APP: variants seen among roughly 807,000 people sequenced by gnomAD.
The protein encoded by APP is amyloid beta precursor protein, also known as amyloid-beta precursor protein.
APP carries 31 observed loss-of-function variants against 101.4 expected under a neutral mutation model. That is an observed-to-expected ratio of 0.31 (90% CI 0.23 to 0.41). The LOEUF is 0.41. APP is among the 10% of genes least tolerant of loss of function. The pLI is 1.00. For missense variants in APP, 839 were observed against 1,003.7 expected (o/e 0.84, Z 2.22); for synonymous variants, 366 against 364.4 (o/e 1.00, Z -0.05).
chr21:25,887,789 G>T (rs778316365), intron 17 of APP, among the ~76,000 whole-genome samples: 4 of 152,156 alleles, frequency 2.6e-5, no homozygotes, highest in Non-Finnish European at 5.9e-5. Flanking sequence ...AGCAATAGTT[G>T]TAGGTGTGTA....
chr21:25,987,816 C>T (rs1643548277), intron 8 of APP, among the ~76,000 whole-genome samples: 2 of 152,138 alleles, frequency 1.3e-5, no homozygotes, highest in African/African-American at 4.8e-5. Context: ...AGCCCACCAA[C>T]ATTGCAGCCC....
chr21:26,166,927 G>GGTGTGTGTGTGT (rs10600074), intron 1 of APP, among the ~76,000 whole-genome samples: 34 of 148,634 alleles, frequency 2.3e-4, no homozygotes, highest in African/African-American at 6.5e-4. Flanking sequence ...AGAGACAGAG[G>GGTGTGTGTGTGT]GTGTGTGTGT....
intron 17 of APP, among the ~76,000 whole-genome samples, chr21:25,886,842 T>C (rs1454205502): frequency 1.3e-5 from 2 of 152,116 alleles, no homozygotes; most frequent in African/African-American, 4.8e-5. Context: ...TACTCTACAA[T>C]GCCAACGTCA....
intron 1 of APP, among the ~76,000 whole-genome samples, chr21:26,146,125 A>G (rs2063149543): frequency 1.3e-5 from 2 of 152,262 alleles, no homozygotes; most frequent in Non-Finnish European, 2.9e-5. Flanking sequence ...ACTTGAGGTC[A>G]GGAATTCGAG....
intron 11 of APP, among the ~76,000 whole-genome samples, chr21:25,968,731 T>C (rs956212342): frequency 1.3e-5 from 2 of 152,172 alleles, no homozygotes; most frequent in Non-Finnish European, 1.5e-5. Flanking sequence ...AAATCTGAGC[T>C]TCAAAGAAAC....
At chr21:26,008,599 T>C (rs59552531) in intron 6 of APP, among the ~76,000 whole-genome samples, 4,198 of 152,276 alleles carry the variant, frequency 0.028, 212 homozygotes, top group African/African-American at 0.095. Flanking sequence ...TATTTCAAGC[T>C]ACTAATGGCT....
At chr21:25,967,748 C>T (rs556460251) in intron 11 of APP, among the ~76,000 whole-genome samples, 47 of 152,164 alleles carry the variant, frequency 3.1e-4, no homozygotes, top group Non-Finnish European at 6.0e-4. Flanking sequence ...GCATTTAGTT[C>T]CTGTTTCATG....
intron 3 of APP, among the ~76,000 whole-genome samples, chr21:26,072,649 GC>G (rs1414736703): frequency 6.6e-6 from 1 of 151,362 alleles, no homozygotes; most frequent in Non-Finnish European, 1.5e-5. Context: ...GAAAGCAAAA[GC>G]AAAAAAAAAG....
At position 25,997,409 on chromosome 21, in the gene APP, T is replaced by C. The variant is rs775998020; in HGVS notation, c.1041A>G (p.Gln347=). 8.7e-6 allele frequency: 14 copies of C among 1,612,880 alleles called. No individual in the cohort carries two copies. The highest frequency in any genetic ancestry group is 1.2e-5 in the Non-Finnish European group (14 of 1,179,062). ...GTTCCTGGGTAGTCTTGAGTAAACT[T>C]TGGGACACTATGGAAAAAATAAGAG... is the stretch of plus-strand genomic sequence containing the variant. The part of the protein sequence containing the change: ...CMAVCGSAMS[Q]SLLKTTQEPL... The change falls in exon 8 of 18, where the codon CAA becomes CAG. Residue 347 remains glutamine, a synonymous_variant. Transcript: ENST00000346798.
chr21:25,913,130 A>T (rs1569046628), intron 13 of APP, among the ~76,000 whole-genome samples: 1 of 152,228 alleles, frequency 6.6e-6, no homozygotes. Flanking sequence ...TTTTACAATC[A>T]TCTTTCAAAT....
chr21:26,000,734 TG>T (rs574560123), intron 6 of APP, among the ~76,000 whole-genome samples: 214 of 152,300 alleles, frequency 1.4e-3, no homozygotes, highest in African/African-American at 4.9e-3. Context: ...TATCTGTAAA[TG>T]TGACTTATAC....
intron 5 of APP, among the ~76,000 whole-genome samples, chr21:26,040,320 G>T (rs2045316074): frequency 6.6e-6 from 1 of 152,004 alleles, no homozygotes; most frequent in Non-Finnish European, 1.5e-5. Context: ...GTACATTCTT[G>T]GCTGGGCATG....
chr21:25,951,871 C>T (rs536880868), intron 13 of APP, among the ~76,000 whole-genome samples: 2 of 152,208 alleles, frequency 1.3e-5, no homozygotes, highest in East Asian at 1.9e-4. Flanking sequence ...TAAAAAGGGA[C>T]GTATTGTTTT....
At chr21:26,146,327 CA>C (rs1192990407) in intron 1 of APP, among the ~76,000 whole-genome samples, 1 of 152,228 alleles carries the variant, frequency 6.6e-6, no homozygotes, top group African/African-American at 2.4e-5. Flanking sequence ...TATCTGTTAT[CA>C]ATTGACAGTA....
At position 25,963,750 on chromosome 21, in the gene APP, G is replaced by T. The variant is rs71317447; in HGVS notation, c.1459-7995C>A. On this transcript the variant is annotated intron_variant, in intron 11 of 17. Transcript: ENST00000346798. ...GTGCTTGAGATGATCTTAGTTAAACGTAATATTTGGGGAAACTGCCATGGG... is the reference window on the plus strand; with the variant it reads ...GTGCTTGAGATGATCTTAGTTAAACTTAATATTTGGGGAAACTGCCATGGG... Among the ~76,000 whole-genome samples the T allele has an allele frequency of 9.1e-4, 139 of 152,236 alleles. No individual in the cohort carries two copies. The Middle Eastern group carries it at 0.01, about 11-fold the overall frequency.
chr21:25,988,203 C>G (rs1015374876), intron 8 of APP, among the ~76,000 whole-genome samples: 1 of 151,984 alleles, frequency 6.6e-6, no homozygotes, highest in Non-Finnish European at 1.5e-5. Context: ...CCACGAGACC[C>G]GCATGGCCAG....
chr21:25,883,848 T>TA (rs762717533), intron 17 of APP, among the ~76,000 whole-genome samples: 10 of 152,160 alleles, frequency 6.6e-5, no homozygotes, highest in Non-Finnish European at 1.2e-4. Context: ...CTGGAATAGG[T>TA]AGATATACAG....
At chr21:26,040,490 G>A (rs1308755976) in intron 5 of APP, among the ~76,000 whole-genome samples, 2 of 151,722 alleles carry the variant, frequency 1.3e-5, no homozygotes, top group South Asian at 2.1e-4. Flanking sequence ...TAATCCCAGC[G>A]ACTCGGGAGG....
intron 1 of APP, among the ~76,000 whole-genome samples, chr21:26,146,279 T>C (rs1315664322): frequency 2.0e-5 from 3 of 152,238 alleles, no homozygotes; most frequent in Non-Finnish European, 4.4e-5. Flanking sequence ...GAGGTTGCAG[T>C]GAGTCCAGAC....
Sources: allele counts gnomAD v4.1 joint callset (sites outside exome capture counted in the v4.1 genomes callset), GRCh38; gene constraint gnomAD v4.1.1; transcripts MANE v1.5; gene names NCBI Gene and HGNC (gene_info 2026-07-23, HGNC 2026-07-21).